PTPRS: variants seen among roughly 807,000 people sequenced by gnomAD.
The protein encoded by PTPRS is protein tyrosine phosphatase receptor type S, also known as receptor-type tyrosine-protein phosphatase S.
Under a neutral mutation model 215.3 loss-of-function variants are expected in PTPRS, and 63 were observed. The observed-to-expected ratio is 0.29, with a 90% CI of 0.24 to 0.36. PTPRS has a LOEUF of 0.36. Among genes scored for constraint, PTPRS ranks in the 10% least tolerant of loss-of-function variants. PTPRS has a pLI of 1.00. For missense variants in PTPRS, 2,258 were observed against 2,825.8 expected (o/e 0.80, Z 4.56); for synonymous variants, 1,404 against 1,191.4 (o/e 1.18, Z -3.68).
chr19:5,216,056 C>T (rs1465126186), intron 26 of PTPRS, among the ~76,000 whole-genome samples: 2 of 152,160 alleles, frequency 1.3e-5, no homozygotes, highest in Non-Finnish European at 2.9e-5. Context: ...CCTTTCTGTC[C>T]CTCTGGGATC....
intron 1 of PTPRS, among the ~76,000 whole-genome samples, chr19:5,301,482 T>C (rs1315318432): frequency 6.6e-6 from 1 of 151,906 alleles, no homozygotes; most frequent in Admixed American, 6.6e-5. Context: ...TGCTTGGCTA[T>C]TTTTTGTATT....
chr19:5,284,829 T>A (rs1011551752), intron 2 of PTPRS, among the ~76,000 whole-genome samples: 22 of 152,022 alleles, frequency 1.4e-4, no homozygotes, highest in Non-Finnish European at 5.9e-5. Flanking sequence ...ACGCCTGTAG[T>A]CCCAGCTACC....
chr19:5,328,116 T>G (rs1292900202), intron 1 of PTPRS, among the ~76,000 whole-genome samples: 1 of 152,024 alleles, frequency 6.6e-6, no homozygotes, highest in Non-Finnish European at 1.5e-5. Flanking sequence ...CTTCTTTTGT[T>G]TTTTTTTGTT....
At chr19:5,228,361 A>AAAAAAAAAAAG (rs1555757601) in intron 16 of PTPRS, among the ~76,000 whole-genome samples, 3 of 143,968 alleles carry the variant, frequency 2.1e-5, no homozygotes, top group African/African-American at 7.9e-5. Context: ...AAAAAAAAAA[A>AAAAAAAAAAAG]AAGAGACAGG....
At chr19:5,300,741 C>T (rs2049275248) in intron 1 of PTPRS, among the ~76,000 whole-genome samples, 1 of 135,178 alleles carries the variant, frequency 7.4e-6, no homozygotes. Context: ...GCACTCCAGC[C>T]TGGGTGATAG....
chr19:5,260,257 G>A (rs373421503), intron 7 of PTPRS, among the ~76,000 whole-genome samples: 9 of 148,450 alleles, frequency 6.1e-5, no homozygotes, highest in African/African-American at 2.2e-4. Flanking sequence ...GTGGCTCACT[G>A]CAACCTCTGC....
chr19:5,305,643 A>G (rs2049457417), intron 1 of PTPRS, among the ~76,000 whole-genome samples: 1 of 150,332 alleles, frequency 6.7e-6, no homozygotes, highest in Non-Finnish European at 1.5e-5. Context: ...GTGGTAGGAC[A>G]GCTTGAGCCC....
At position 5,211,452 on chromosome 19, in the gene PTPRS, T is replaced by C. The variant is rs1419896777; in HGVS notation, c.5234+138A>G. 54 of 797,230 alleles carry C rather than the reference T, an allele frequency of 6.8e-5. 1 individual carries two copies. The highest frequency in any genetic ancestry group is 1.3e-4 in the South Asian group (6 of 45,438). 49.4% of individuals were successfully genotyped at this position (797,230 alleles called of 1,614,324 possible). ...ACGGACAGCAGCCATCAGTTAAATA[T>C]ACATCTAAAGATGTGTATTTAAACA... On this transcript the variant is annotated intron_variant, in intron 33 of 37. Coordinates refer to ENST00000262963, the MANE Select transcript of PTPRS (RefSeq NM_002850.4).
At position 5,293,604 on chromosome 19, in the gene PTPRS, C is replaced by G. The variant is rs939414328; in HGVS notation, c.-94-7370G>C. 6.6e-6 allele frequency among the ~76,000 whole-genome samples: 1 copy of G among 152,140 alleles called. No homozygotes were observed. Among genetic ancestry groups the G allele is most frequent in the Non-Finnish European group, 1.5e-5 (1 of 68,008 alleles). ...ACGCATGAGGAGGCTGGATGCCGGA[C>G]AGGGCGGCGGAGGGCTCCCCAAACA... On this transcript the variant is annotated intron_variant, in intron 1 of 37. Coordinates refer to ENST00000262963, the MANE Select transcript of PTPRS (RefSeq NM_002850.4). The surrounding 1 kb of genome is among the most constrained non-coding windows in gnomAD (Gnocchi z 8.4).
chr19:5,222,719 C>CG lies in PTPRS; in HGVS notation c.3072dup (p.Val1025ArgfsTer34), dbSNP rs756013055. On this transcript the variant is annotated frameshift_variant, in exon 18 of 38. Transcript: ENST00000262963. LOFTEE classifies it high-confidence loss of function. The stretch of plus-strand genomic sequence containing the variant: ...TCCCGCAGGAACGTCCGGTAGCGGA[C>CG]GGGGGGGCTGAAGGGGCCAGGGCCC... 25 of 1,593,698 alleles carry CG rather than the reference C, an allele frequency of 1.6e-5. No homozygotes were observed. The highest frequency in any genetic ancestry group is 2.2e-5 in the East Asian group (1 of 44,514).
chr19:5,220,486 C>A (rs993281514), intron 20 of PTPRS, 133 bp from the exon 21 acceptor site: 18 of 761,594 alleles, frequency 2.4e-5, no homozygotes, highest in Non-Finnish European at 3.5e-5. Flanking sequence ...TTCCCCTATG[C>A]CCCATCCACA....
rs1491502602 is a variant in PTPRS, at chr19:5,228,345, G to GAAAAAA, written c.2376+970_2376+971insTTTTTT. On this transcript the variant is annotated intron_variant, in intron 16 of 37. Transcript: ENST00000262963. Reference sequence around the variant, plus strand: ...GGGCGATAGTGTGAGACTCCGTCTGGAGAAAAAAAAAAAAAAAAGAGACAG... The same window carrying GAAAAAA: ...GGGCGATAGTGTGAGACTCCGTCTGGAAAAAAAGAAAAAAAAAAAAAAAAGAGACAG... 1.5e-4 allele frequency among the ~76,000 whole-genome samples: 5 copies of GAAAAAA among 33,264 alleles called. 1 individual carries two copies. The highest frequency in any genetic ancestry group is 2.6e-4 in the Non-Finnish European group (4 of 15,496). The allele number at this position is 33,264 out of a possible 152,430, so 21.8% of individuals were successfully genotyped here.
At chr19:5,302,777 G>A (rs1009242214) in intron 1 of PTPRS, among the ~76,000 whole-genome samples, 2 of 151,948 alleles carry the variant, frequency 1.3e-5, no homozygotes, top group African/African-American at 4.8e-5. Context: ...CCATGGCTCG[G>A]CCAGGCGTGG....
intron 2 of PTPRS, among the ~76,000 whole-genome samples, chr19:5,280,266 C>T (rs2047734205): frequency 6.6e-6 from 1 of 152,212 alleles, no homozygotes; most frequent in Non-Finnish European, 1.5e-5. Flanking sequence ...AAGGGTAGGT[C>T]CCTGTGGGCC....
intron 6 of PTPRS, among the ~76,000 whole-genome samples, chr19:5,262,457 C>G (rs927807182): frequency 6.6e-6 from 1 of 152,190 alleles, no homozygotes; most frequent in South Asian, 2.1e-4. Flanking sequence ...CAACTGATTT[C>G]AGGAGATTCA....
At chr19:5,288,745 C>G (rs2048569113) in intron 1 of PTPRS, among the ~76,000 whole-genome samples, 1 of 152,180 alleles carries the variant, frequency 6.6e-6, no homozygotes, top group African/African-American at 2.4e-5. Context: ...ACAGAGAGCC[C>G]AGGTGGGGCA....
chr19:5,335,508 G>A (rs1396233299), intron 1 of PTPRS, among the ~76,000 whole-genome samples: 1 of 152,204 alleles, frequency 6.6e-6, no homozygotes, highest in Admixed American at 6.5e-5. Flanking sequence ...ATCCAGGAAG[G>A]AAGGAAGGCA....
chr19:5,269,235 G>A (rs1008424860), intron 4 of PTPRS, among the ~76,000 whole-genome samples: 39 of 152,112 alleles, frequency 2.6e-4, no homozygotes, highest in African/African-American at 7.0e-4. Flanking sequence ...ATGTGGCCCC[G>A]CAGGGGTCCC....
At position 5,306,148 on chromosome 19, in the gene PTPRS, AT is replaced by A. The variant is rs71172709; in HGVS notation, c.-94-19915del. On this transcript the variant is annotated intron_variant, in intron 1 of 37. Coordinates refer to ENST00000262963, the MANE Select transcript of PTPRS (RefSeq NM_002850.4). Reference sequence around the variant, plus strand: ...AAAGGTAACTCTAGAATACAGGGTGATTTTTTTTTTTTTTGAGACGGAGTCT... The same window carrying A: ...AAAGGTAACTCTAGAATACAGGGTGATTTTTTTTTTTTTGAGACGGAGTCT... Among the ~76,000 whole-genome samples, 214 of 140,730 alleles carry A rather than the reference AT, an allele frequency of 1.5e-3. 1 individual carries two copies. The highest frequency in any genetic ancestry group is 8.2e-3 in the South Asian group (35 of 4,292). The allele number at this position is 140,730 out of a possible 152,430, so 92.3% of individuals were successfully genotyped here.
Sources: allele counts gnomAD v4.1 joint callset (sites outside exome capture counted in the v4.1 genomes callset), GRCh38; gene constraint gnomAD v4.1.1; non-coding constraint Gnocchi (gnomAD v3.1); transcripts MANE v1.5; gene names NCBI Gene and HGNC (gene_info 2026-07-23, HGNC 2026-07-21).